Variants in SETDB1 observed in about 807,000 individuals in gnomAD.
SETDB1 encodes the protein histone-lysine N-methyltransferase SETDB1.
Under a neutral mutation model 137.4 loss-of-function variants are expected in SETDB1, and 31 were observed. The observed-to-expected ratio is 0.23, with a 90% confidence interval of 0.17 to 0.30. The LOEUF (loss-of-function observed/expected upper bound fraction) is 0.30. Among genes scored for constraint, SETDB1 ranks in the 10% least tolerant of loss-of-function variants. The pLI is 1.00. For missense variants in SETDB1, 1,113 were observed against 1,631.5 expected (o/e 0.68, Z 5.47); for synonymous variants, 548 against 579.9 (o/e 0.95, Z 0.79).
intron 14 of SETDB1, among the ~76,000 whole-genome samples, chr1:150,955,005 A>C (rs587691805): frequency 1.3e-5 from 2 of 152,356 alleles, no homozygotes; most frequent in South Asian, 4.1e-4. Context: ...CGACTTCTTC[A>C]GGAAAATTGG....
chr1:150,943,906 CT>C lies in SETDB1; in HGVS notation c.876-13del. 6.4e-7 allele frequency: 1 copy of C among 1,559,716 alleles called. No homozygotes were observed. Among genetic ancestry groups the C allele is most frequent in the Non-Finnish European group, 8.8e-7 (1 of 1,130,954 alleles). Reference sequence around the variant, plus strand: ...TAACCCCCAGATCTTTCTGCTGTCACTCTTCTTTTATAGGTTTCTCATTTTC... The same window carrying C: ...TAACCCCCAGATCTTTCTGCTGTCACCTTCTTTTATAGGTTTCTCATTTTC... On this transcript the variant is annotated splice_polypyrimidine_tract_variant and intron_variant, in intron 7 of 21. Coordinates refer to ENST00000692827, the MANE Select transcript of SETDB1 (RefSeq NM_001366418.1).
intron 17 of SETDB1, 22 bp downstream of exon 17, chr1:150,962,180 T>C: frequency 1.2e-6 from 2 of 1,612,044 alleles, no homozygotes; most frequent in Non-Finnish European, 1.7e-6. Flanking sequence ...TTGTTTTGTT[T>C]TGTTTTGAGA....
intron 14 of SETDB1, among the ~76,000 whole-genome samples, chr1:150,952,745 G>C (rs2102724383): frequency 6.6e-6 from 1 of 152,198 alleles, no homozygotes; most frequent in East Asian, 1.9e-4. Flanking sequence ...AAATTAGCCG[G>C]GCATGGTGGC....
Position 150,950,819 on chromosome 1 carries a change from A to G in SETDB1, c.1945A>G (p.Thr649Ala). 6.2e-7 allele frequency: 1 copy of G among 1,614,096 alleles called. No homozygotes were observed. Among genetic ancestry groups the G allele is most frequent in the East Asian group, 2.2e-5 (1 of 44,876 alleles). ...GGAGATAGAACGCTACCTTTTCGAG[A>G]CTGGCTGTGACTTCCTCTTCCTGGA... ...MQEIERYLFE[T>A]GCDFLFLEMF... The change falls in exon 13 of 22, where the codon ACT (threonine) becomes GCT (alanine). Residue 649 changes from threonine (T) to alanine (A), a missense_variant. Thr to Ala is a moderately conservative substitution (Grantham distance 58). Coordinates refer to ENST00000692827, the MANE Select transcript of SETDB1 (RefSeq NM_001366418.1).
At chr1:150,950,363 G>C (rs776062319) in intron 12 of SETDB1, 95 bp from the exon 13 acceptor site, 10 of 1,100,332 alleles carry the variant, frequency 9.1e-6, no homozygotes, top group Non-Finnish European at 1.3e-5. Context: ...ACAGCTGTTT[G>C]AAAGATGAGA....
chr1:150,936,961 C>T lies in SETDB1; in HGVS notation c.413-2979C>T, dbSNP rs587594560. Among the ~76,000 whole-genome samples the T allele has an allele frequency of 1.2e-3, 180 of 152,158 alleles. 2 individuals carry two copies. The highest frequency in any genetic ancestry group is 4.2e-3 in the African/African-American group (174 of 41,514). ...CCAGTATGGCGAAATCCCATCTCTA[C>T]TAAAAATACAAAAATTAGCTGGGTA... On this transcript the variant is annotated intron_variant, in intron 3 of 21. Transcript: ENST00000692827.
At chr1:150,931,058 G>C (rs1053432048) in intron 3 of SETDB1, among the ~76,000 whole-genome samples, 6 of 151,588 alleles carry the variant, frequency 4.0e-5, no homozygotes, top group African/African-American at 1.5e-4. Context: ...CCAGGAATTT[G>C]AGACCAGCCT....
At chr1:150,928,043 T>C in intron 2 of SETDB1, 69 bp downstream of exon 2, 1 of 1,519,266 alleles carries the variant, frequency 6.6e-7, no homozygotes, top group Admixed American at 1.8e-5. Flanking sequence ...TAATTGTTCA[T>C]GACATTGAAC....
intron 4 of SETDB1, 65 bp downstream of exon 4, chr1:150,940,039 T>G: frequency 1.5e-5 from 19 of 1,242,844 alleles, no homozygotes; most frequent in Non-Finnish European, 2.1e-5. Context: ...TTTTTTGGCC[T>G]AACCATTTAA....
chr1:150,936,989 G>T lies in SETDB1; in HGVS notation c.413-2951G>T, dbSNP rs138421852. ...AAAATACAAAAATTAGCTGGGTATG[G>T]TGGTGGGTGCCTGTAATCCCAGCTA... On this transcript the variant is annotated intron_variant, in intron 3 of 21. Coordinates refer to ENST00000692827, the MANE Select transcript of SETDB1 (RefSeq NM_001366418.1). Among the ~76,000 whole-genome samples, 53 of 152,288 alleles carry T rather than the reference G, an allele frequency of 3.5e-4. 1 individual carries two copies. The East Asian group carries it at 8.9e-3, about 25-fold the overall frequency.
chr1:150,951,552 A>G, intron 14 of SETDB1, 71 bp downstream of exon 14: 1 of 753,400 alleles, frequency 1.3e-6, no homozygotes, highest in South Asian at 1.9e-5. Context: ...CTGTGCTTAT[A>G]GAAATCATCA....
intron 12 of SETDB1, among the ~76,000 whole-genome samples, chr1:150,949,849 C>T (rs975756141): frequency 1.1e-4 from 16 of 152,118 alleles, no homozygotes; most frequent in African/African-American, 3.9e-4. Context: ...TTTTAGAACA[C>T]GCAGCAGACC....
At chr1:150,939,831 T>C in intron 3 of SETDB1, 109 bp from the exon 4 acceptor site, 1 of 715,802 alleles carries the variant, frequency 1.4e-6, no homozygotes, top group Non-Finnish European at 2.4e-6. Flanking sequence ...TTTTCAGTTA[T>C]TGTTGATAAT....
Position 150,926,379 on chromosome 1 carries a change from C to G in SETDB1, c.-150C>G. 1 of 218,666 alleles carries G rather than the reference C, an allele frequency of 4.6e-6. No homozygotes were observed. The highest frequency in any genetic ancestry group is 9.3e-6 in the Non-Finnish European group (1 of 108,084). The allele number at this position is 218,666 out of a possible 1,614,324, so 13.5% of individuals were successfully genotyped here. On this transcript the variant is annotated 5_prime_UTR_variant, in exon 1 of 22. Transcript: ENST00000692827. ...CTTCCGGGCGTTTCTTTTGCTTCCC[C>G]TTCCCTCTTTCACGCTTCCTCCCCT...
chr1:150,927,112 C>T lies in SETDB1; in HGVS notation c.-11-592C>T, dbSNP rs139755856. Among the ~76,000 whole-genome samples the T allele has an allele frequency of 6.0e-3, 921 of 152,240 alleles. 4 individuals are homozygous for T. Among genetic ancestry groups the T allele is most frequent in the Non-Finnish European group, 0.01 (698 of 68,012 alleles). Reference sequence around the variant, plus strand: ...CTTATAGATTGGTTCTCTTCAGTATCCCAAAAGATTATTTTTAAAGTTCGG... The same window carrying T: ...CTTATAGATTGGTTCTCTTCAGTATTCCAAAAGATTATTTTTAAAGTTCGG... On this transcript the variant is annotated intron_variant, in intron 1 of 21. Coordinates refer to ENST00000692827, the MANE Select transcript of SETDB1 (RefSeq NM_001366418.1).
In SETDB1 at chr1:150,963,728, G is replaced by A. The variant is rs1210690618; in HGVS notation, c.3659G>A (p.Gly1220Asp). Reference protein sequence around the residue: ...IIDAKLEGNLGRYLNHSCSPN... With the variant: ...IIDAKLEGNLDRYLNHSCSPN... ...GATGCCAAGCTTGAAGGCAACCTGG[G>A]CCGCTACCTCAACGTGAGACCCCTC... Residue 1220 changes from glycine (G) to aspartate (D), a missense_variant, in exon 20 of 22, where the codon GGC becomes GAC. Physicochemically the swap from Gly to Asp is moderately conservative, Grantham distance 94 (BLOSUM62 -1). Transcript: ENST00000692827. 1 of 1,613,932 alleles carries A rather than the reference G, an allele frequency of 6.2e-7. No individual in the cohort carries two copies. The highest frequency in any genetic ancestry group is 1.3e-5 in the African/African-American group (1 of 74,910).
chr1:150,963,799 T>C, intron 20 of SETDB1, 58 bp downstream of exon 20: 1 of 1,523,986 alleles, frequency 6.6e-7, no homozygotes, highest in East Asian at 2.3e-5. Flanking sequence ...TCAGATTTCT[T>C]TTAACATACT....
intron 3 of SETDB1, among the ~76,000 whole-genome samples, chr1:150,938,368 G>GTGA (rs1670011516): frequency 6.6e-6 from 1 of 152,168 alleles, no homozygotes; most frequent in African/African-American, 2.4e-5. Context: ...GATTGCCAGA[G>GTGA]TTTGGGGGAG....
chr1:150,938,285 C>T (rs183786311), intron 3 of SETDB1, among the ~76,000 whole-genome samples: 3 of 151,474 alleles, frequency 2.0e-5, no homozygotes, highest in East Asian at 1.9e-4. Flanking sequence ...TTTGAGGAAC[C>T]GCATATTACA....
Sources: allele counts gnomAD v4.1 joint callset (sites outside exome capture counted in the v4.1 genomes callset), GRCh38; gene constraint gnomAD v4.1.1; transcripts MANE v1.5; gene names NCBI Gene and HGNC (gene_info 2026-07-23, HGNC 2026-07-21).